PRIMPOL: variants seen among roughly 807,000 people sequenced by gnomAD.
PRIMPOL encodes the protein DNA-directed primase/polymerase protein.
A neutral mutation model predicts 63.6 loss-of-function variants in PRIMPOL; 54 were observed. The observed-to-expected ratio is 0.85, with a 90% confidence interval of 0.68 to 1.07. The LOEUF (loss-of-function observed/expected upper bound fraction) is 1.07, where lower values mean the gene tolerates loss of function less well. Among genes scored for constraint, PRIMPOL ranks in the 50% least tolerant of loss-of-function variants. The pLI is 0.00. For missense variants in PRIMPOL, 610 were observed against 648.3 expected, an observed-to-expected ratio of 0.94 and a Z score of 0.64; for synonymous variants, 197 against 220.2, an observed-to-expected ratio of 0.89 and a Z score of 0.93.
intron 1 of PRIMPOL, among the ~76,000 whole-genome samples, chr4:184,650,592 G>A (rs1030825175): frequency 6.6e-6 from 1 of 152,288 alleles, no homozygotes. Flanking sequence ...TAATGGTTAC[G>A]TCAATGGTGT....
intron 7 of PRIMPOL, among the ~76,000 whole-genome samples, chr4:184,675,473 C>T (rs747449580): frequency 9.9e-5 from 15 of 152,060 alleles, no homozygotes; most frequent in Non-Finnish European, 1.8e-4. Flanking sequence ...TTAGGCTATA[C>T]GGTTCATCTG....
intron 1 of PRIMPOL, among the ~76,000 whole-genome samples, 157 bp from the exon 2 acceptor site, chr4:184,651,866 C>T (rs1250972120): frequency 1.3e-5 from 2 of 152,208 alleles, no homozygotes; most frequent in African/African-American, 4.8e-5. Context: ...CCAGGCTGGT[C>T]TCGAACTCCT....
chr4:184,672,487 T>C, intron 7 of PRIMPOL, 27 bp downstream of exon 7: 1 of 1,577,002 alleles, frequency 6.3e-7, no homozygotes, highest in Non-Finnish European at 8.6e-7. Flanking sequence ...GCTTTCTCCA[T>C]CAGACCGCCC....
chr4:184,676,434 T>TTC, intron 7 of PRIMPOL, among the ~76,000 whole-genome samples: 1 of 39,906 alleles, frequency 2.5e-5, no homozygotes, highest in African/African-American at 1.8e-4. Flanking sequence ...CCCTTCCCCC[T>TTC]TCCCTTCTCC....
At chr4:184,658,772 G>C (rs989526639) in intron 3 of PRIMPOL, among the ~76,000 whole-genome samples, 1 of 152,026 alleles carries the variant, frequency 6.6e-6, no homozygotes, top group Non-Finnish European at 1.5e-5. Context: ...ATCGGGCGTG[G>C]TGGTGGGCAC....
At chr4:184,679,231 C>T (rs1754951487) in intron 8 of PRIMPOL, among the ~76,000 whole-genome samples, 1 of 152,066 alleles carries the variant, frequency 6.6e-6, no homozygotes. Context: ...ATTATATTGA[C>T]ACTGGAATTT....
intron 8 of PRIMPOL, among the ~76,000 whole-genome samples, chr4:184,681,483 T>G (rs1034451280): frequency 6.6e-6 from 1 of 152,204 alleles, no homozygotes. Context: ...CTATACCTAA[T>G]ATAGTGCACA....
In PRIMPOL at chr4:184,694,752, A is replaced by C. The variant is rs777644520; in HGVS notation, c.1656A>C (p.Glu552Asp). 1.2e-6 allele frequency: 2 copies of C among 1,612,318 alleles called. No homozygotes were observed. Among genetic ancestry groups the C allele is most frequent in the South Asian group, 2.2e-5 (2 of 91,054 alleles). The change falls in exon 14 of 14, where the codon GAA (glutamate) becomes GAC (aspartate). Residue 552 changes from glutamate (E) to aspartate (D), a missense_variant. Physicochemically the swap from Glu to Asp is conservative, Grantham distance 45 (BLOSUM62 2). Transcript: ENST00000314970. ...YNSEVDEIPDELIIEVLQE is the reference protein window; with the variant it reads ...YNSEVDEIPDDLIIEVLQE The stretch of plus-strand genomic sequence containing the variant: ...GTGAAGTGGATGAAATTCCTGATGA[A>C]CTAATTATAGAAGTATTACAAGAGT...
chr4:184,654,453 G>GTTTTTTTGTTTTGT (rs1553985964), intron 2 of PRIMPOL, among the ~76,000 whole-genome samples: 2 of 33,556 alleles, frequency 6.0e-5, no homozygotes, highest in Non-Finnish European at 1.1e-4. Context: ...AGTTAAAGCA[G>GTTTTTTTGTTTTGT]TTTTTTTTTT....
intron 3 of PRIMPOL, among the ~76,000 whole-genome samples, chr4:184,658,069 ATTCT>A (rs1747063343): frequency 3.9e-5 from 5 of 128,818 alleles, no homozygotes; most frequent in South Asian, 4.9e-4. Flanking sequence ...TGTATTGCAC[ATTCT>A]TTTTTTTTTT....
intron 4 of PRIMPOL, 114 bp from the exon 5 acceptor site, chr4:184,661,660 C>G (rs1748348890): frequency 5.0e-6 from 3 of 594,282 alleles, no homozygotes; most frequent in Non-Finnish European, 8.3e-6. Context: ...GAACCGAGAT[C>G]ACACCACTGC....
intron 11 of PRIMPOL, 35 bp downstream of exon 11, chr4:184,685,719 A>T (rs55654485): frequency 1.1e-6 from 1 of 878,560 alleles, no homozygotes; most frequent in Admixed American, 2.7e-5. Flanking sequence ...GTATTTAACC[A>T]ATATTATATT....
Position 184,651,290 on chromosome 4 carries a change from C to CAAAAAAAAA in PRIMPOL, c.-137-725_-137-724insAAAAAAAAA, listed in dbSNP as rs1203681677. ...TGGGCAACAGAGCAAGACTCTGTCTCAAAAAAAAGAAAAAAAAGGGGTTAA... is the reference window on the plus strand; with the variant it reads ...TGGGCAACAGAGCAAGACTCTGTCTCAAAAAAAAAAAAAAAAAGAAAAAAAAGGGGTTAA... On this transcript the variant is annotated intron_variant, in intron 1 of 13. Transcript: ENST00000314970. 6.2e-4 allele frequency among the ~76,000 whole-genome samples: 89 copies of CAAAAAAAAA among 143,972 alleles called. 2 individuals carry two copies. The highest frequency in any genetic ancestry group is 2.5e-3 in the African/African-American group (88 of 35,158). 94.5% of individuals were successfully genotyped at this position (143,972 alleles called of 152,430 possible). A position where few individuals can be genotyped will look rare whatever the true frequency, so the allele number is the denominator to read the frequency against.
At chr4:184,661,562 C>T (rs906937997) in intron 4 of PRIMPOL, among the ~76,000 whole-genome samples, 4 of 151,878 alleles carry the variant, frequency 2.6e-5, no homozygotes, top group Non-Finnish European at 4.4e-5. Flanking sequence ...AAAAATTAAC[C>T]AGGCGTGGTG....
At chr4:184,667,041 G>A (rs870823) in intron 6 of PRIMPOL, among the ~76,000 whole-genome samples, 14,637 of 152,246 alleles carry the variant, frequency 0.096, 852 homozygotes, top group Middle Eastern at 0.15. Flanking sequence ...GTTCAGAGCT[G>A]CTAGCGTCTT....
chr4:184,669,785 G>A (rs1256190210), intron 6 of PRIMPOL, among the ~76,000 whole-genome samples: 2 of 152,178 alleles, frequency 1.3e-5, no homozygotes, highest in African/African-American at 2.4e-5. Context: ...AGAGAGATGC[G>A]ATCAGGCCTT....
intron 5 of PRIMPOL, among the ~76,000 whole-genome samples, chr4:184,662,828 T>G (rs1367675992): frequency 1.3e-5 from 2 of 151,832 alleles, no homozygotes. Context: ...TGTATGTGAA[T>G]GCTATTTAAA....
rs373389888 is a variant in PRIMPOL, at chr4:184,691,628, C to T, written c.1379-38C>T. 16 of 1,599,702 alleles carry T rather than the reference C, an allele frequency of 1.0e-5. No individual in the cohort carries two copies. In the African/African-American group the frequency reaches 1.7e-4, roughly 17 times the overall value. On this transcript the variant is annotated intron_variant, in intron 12 of 13. Coordinates refer to ENST00000314970, the MANE Select transcript of PRIMPOL (RefSeq NM_152683.4). The stretch of plus-strand genomic sequence containing the variant: ...TTACCACAAAGTAAAAATTAGATAA[C>T]TGTAATATGTAATAGTTTTGCTATC...
chr4:184,672,530 C>A (rs1321460441), intron 7 of PRIMPOL, 70 bp downstream of exon 7: 2 of 1,440,292 alleles, frequency 1.4e-6, no homozygotes, highest in Admixed American at 4.3e-5. Context: ...TTGGTGCCCA[C>A]TCGTCACCGT....
Sources: allele counts gnomAD v4.1 joint callset (sites outside exome capture counted in the v4.1 genomes callset), GRCh38; gene constraint gnomAD v4.1.1; transcripts MANE v1.5; gene names NCBI Gene and HGNC (gene_info 2026-07-23, HGNC 2026-07-21).